Variants in MEIKIN observed in about 807,000 individuals in gnomAD.
The protein encoded by MEIKIN is meiotic kinetochore factor.
chr5:131,869,039 A>C (rs962455396), intron 9 of MEIKIN, among the ~76,000 whole-genome samples: 7 of 152,216 alleles, frequency 4.6e-5, no homozygotes, highest in Non-Finnish European at 1.0e-4. Flanking sequence ...TATTGTATCT[A>C]AAAAGTCATC....
intron 11 of MEIKIN, among the ~76,000 whole-genome samples, chr5:131,827,537 T>C (rs1362134144): frequency 6.6e-6 from 1 of 151,990 alleles, no homozygotes; most frequent in East Asian, 1.9e-4. Flanking sequence ...GAAAAAGATA[T>C]ACCAAGGAAA....
At chr5:131,896,541 C>T (rs1751055412) in intron 8 of MEIKIN, among the ~76,000 whole-genome samples, 1 of 152,146 alleles carries the variant, frequency 6.6e-6, no homozygotes, top group South Asian at 2.1e-4. Context: ...TCTCTAAGGA[C>T]TTGCTTTATG....
At position 131,811,527 on chromosome 5, in the gene MEIKIN, G is replaced by A. The variant is rs575125237; in HGVS notation, c.1100-4269C>T. On this transcript the variant is annotated intron_variant, in intron 12 of 12. Coordinates refer to ENST00000442687, the MANE Select transcript of MEIKIN (RefSeq NM_001303622.2). ...TCGCCATGTTGGCTAGGCTGTTCTCGAACTCCTGACCTCAGGTAATCCGCC... is the reference window on the plus strand; with the variant it reads ...TCGCCATGTTGGCTAGGCTGTTCTCAAACTCCTGACCTCAGGTAATCCGCC... Among the ~76,000 whole-genome samples, 81 of 151,670 alleles carry A rather than the reference G, an allele frequency of 5.3e-4. No individual in the cohort carries two copies. The South Asian group carries it at 0.016, about 30-fold the overall frequency.
rs144763056 is a variant in MEIKIN, at chr5:131,896,469, T to C, written c.703+15346A>G. On this transcript the variant is annotated intron_variant, in intron 8 of 12. Transcript: ENST00000442687. ...AACCTTCTGTCTCACTGATCTAATA[T>C]TGACAGTGGGGTGTTAAAGTCTCCC... Among the ~76,000 whole-genome samples, 524 of 152,132 alleles carry C rather than the reference T, an allele frequency of 3.4e-3. 4 individuals carry two copies. The highest frequency in any genetic ancestry group is 5.7e-3 in the Non-Finnish European group (390 of 67,942).
At chr5:131,912,968 T>C (rs1186172898) in intron 7 of MEIKIN, among the ~76,000 whole-genome samples, 1 of 152,204 alleles carries the variant, frequency 6.6e-6, no homozygotes, top group Non-Finnish European at 1.5e-5. Context: ...GGCAGTGAAT[T>C]ATAGGAAAGG....
intron 11 of MEIKIN, among the ~76,000 whole-genome samples, chr5:131,834,419 T>C (rs1231397651): frequency 6.6e-6 from 1 of 152,198 alleles, no homozygotes; most frequent in Admixed American, 6.5e-5. Flanking sequence ...CACCATGCTG[T>C]ACATTAGATT....
chr5:131,862,519 G>A (rs1438668798), intron 9 of MEIKIN, among the ~76,000 whole-genome samples: 2 of 151,762 alleles, frequency 1.3e-5, no homozygotes, highest in South Asian at 2.1e-4. Context: ...TCCTTAAAGT[G>A]CATCACTAAA....
chr5:131,898,937 T>C (rs892429363), intron 8 of MEIKIN, among the ~76,000 whole-genome samples: 20 of 152,194 alleles, frequency 1.3e-4, no homozygotes, highest in African/African-American at 4.3e-4. Flanking sequence ...CTGTACCCAC[T>C]GTCCAAGCAG....
chr5:131,809,953 T>A (rs1772922590), intron 12 of MEIKIN, among the ~76,000 whole-genome samples: 1 of 152,232 alleles, frequency 6.6e-6, no homozygotes, highest in African/African-American at 2.4e-5. Context: ...TGTCACACTC[T>A]TTACAAAGAT....
chr5:131,903,801 T>C (rs1418422693), intron 8 of MEIKIN, among the ~76,000 whole-genome samples: 2 of 152,128 alleles, frequency 1.3e-5, no homozygotes, highest in Admixed American at 6.6e-5. Context: ...TAACCTTGAA[T>C]GTAAATGAGC....
At chr5:131,842,065 T>C (rs1220879865) in intron 11 of MEIKIN, among the ~76,000 whole-genome samples, 1 of 152,024 alleles carries the variant, frequency 6.6e-6, no homozygotes, top group African/African-American at 2.4e-5. Context: ...AGTGGCACGA[T>C]CTTGGCTCAC....
chr5:131,932,565 T>C (rs1372625621), intron 5 of MEIKIN, among the ~76,000 whole-genome samples: 2 of 152,200 alleles, frequency 1.3e-5, no homozygotes, highest in Non-Finnish European at 1.5e-5. Flanking sequence ...GCAAGTGACA[T>C]GGCCAATCCC....
chr5:131,867,214 AT>A (rs1358427710), intron 9 of MEIKIN, among the ~76,000 whole-genome samples: 1 of 152,162 alleles, frequency 6.6e-6, no homozygotes, highest in Non-Finnish European at 1.5e-5. Flanking sequence ...AATGAATTTT[AT>A]TTTTTAGGTC....
Position 131,847,272 on chromosome 5 carries a change from T to TA in MEIKIN, c.975+3991dup, listed in dbSNP as rs542471444. Among the ~76,000 whole-genome samples the TA allele has an allele frequency of 3.2e-3, 484 of 152,164 alleles. 3 individuals are homozygous for TA. The highest frequency in any genetic ancestry group is 0.011 in the African/African-American group (461 of 41,552). On this transcript the variant is annotated intron_variant, in intron 11 of 12. Transcript: ENST00000442687. ...GAAAAACTGGGATTGGCAAAATGGA[T>TA]AAAAAACATATGCTATATGTTGTTT...
In MEIKIN at chr5:131,848,505, G is replaced by C. The variant is rs375021715; in HGVS notation, c.975+2759C>G. Among the ~76,000 whole-genome samples, 672 of 152,120 alleles carry C rather than the reference G, an allele frequency of 4.4e-3. 12 individuals are homozygous for C. Among genetic ancestry groups the C allele is most frequent in the African/African-American group, 0.016 (653 of 41,526 alleles). On this transcript the variant is annotated intron_variant, in intron 11 of 12. Coordinates refer to ENST00000442687, the MANE Select transcript of MEIKIN (RefSeq NM_001303622.2). ...AATAGAAAACCAGAATATACCTACA[G>C]AACTAGTAGGGAGATTGAATCAGTA...
rs573664378 is a variant in MEIKIN at position 131,858,057 on chromosome 5, G to A, written c.775-3223C>T. 2.0e-5 allele frequency among the ~76,000 whole-genome samples: 3 copies of A among 152,302 alleles called. No homozygotes were observed. The South Asian group carries it at 6.2e-4, about 32-fold the overall frequency. On this transcript the variant is annotated intron_variant, in intron 9 of 12. Coordinates refer to ENST00000442687, the MANE Select transcript of MEIKIN (RefSeq NM_001303622.2). ...GCACTGGCCAGCACTCCCCATCACA[G>A]TGCTGTGGCCAGCAGAGCAGGAACA... is the stretch of plus-strand genomic sequence containing the variant.
At chr5:131,896,870 A>C (rs776249510) in intron 8 of MEIKIN, among the ~76,000 whole-genome samples, 2 of 152,192 alleles carry the variant, frequency 1.3e-5, no homozygotes, top group Non-Finnish European at 2.9e-5. Flanking sequence ...TGGGGCATTT[A>C]GCCCATTTTA....
chr5:131,889,388 G>A (rs1750865983), intron 8 of MEIKIN, among the ~76,000 whole-genome samples: 3 of 152,074 alleles, frequency 2.0e-5, no homozygotes, highest in Admixed American at 6.6e-5. Context: ...TTATTTCATT[G>A]AGCAGTGGTT....
intron 11 of MEIKIN, among the ~76,000 whole-genome samples, chr5:131,826,664 T>C (rs1749613307): frequency 6.6e-6 from 1 of 152,170 alleles, no homozygotes; most frequent in South Asian, 2.1e-4. Context: ...CTGGAGGCAG[T>C]TTCCCCCATG....
Sources: allele counts gnomAD v4.1 joint callset (sites outside exome capture counted in the v4.1 genomes callset), GRCh38; gene constraint gnomAD v4.1.1; transcripts MANE v1.5; gene names NCBI Gene and HGNC (gene_info 2026-07-23, HGNC 2026-07-21).